Variants in ANK3 observed in about 807,000 individuals in gnomAD.
The protein encoded by ANK3 is ankyrin 3.
In ANK3, 57 loss-of-function variants were observed where a neutral mutation model predicts 370.9. The observed-to-expected ratio is 0.15, with a 90% CI of 0.12 to 0.19. The LOEUF is 0.19. Ranked by LOEUF, ANK3 falls within the 10% of genes least tolerant of loss-of-function variation. ANK3 has a pLI of 1.00. For missense variants in ANK3, 4,439 were observed against 5,302.1 expected, an observed-to-expected ratio of 0.84 and a Z score of 5.06; for synonymous variants, 1,929 against 1,946.3, an observed-to-expected ratio of 0.99 and a Z score of 0.23.
Position 60,157,365 on chromosome 10 carries a change from C to T in ANK3, c.2614+9226G>A, listed in dbSNP as rs377352999. On this transcript the variant is annotated intron_variant, in intron 23 of 43. Coordinates refer to ENST00000280772, the MANE Select transcript of ANK3 (RefSeq NM_020987.5). Reference sequence around the variant, plus strand: ...TTTTTTTTTTTTTTAAAGGGGTTCTCACTCTGTTGCCCAGGCTGGAGTGTA... The same window carrying T: ...TTTTTTTTTTTTTTAAAGGGGTTCTTACTCTGTTGCCCAGGCTGGAGTGTA... Among the ~76,000 whole-genome samples, 10 of 138,344 alleles carry T rather than the reference C, an allele frequency of 7.2e-5. No individual in the cohort carries two copies. The East Asian group carries it at 2.2e-3, about 30-fold the overall frequency. 90.8% of individuals were successfully genotyped at this position (138,344 alleles called of 152,430 possible).
chr10:60,298,967 A>G (rs533500131), intron 1 of ANK3, among the ~76,000 whole-genome samples: 28 of 152,352 alleles, frequency 1.8e-4, no homozygotes, highest in African/African-American at 6.5e-4. Flanking sequence ...ATTTAACAGT[A>G]CAGTTTGAAA....
At chr10:60,164,475 G>A (rs1159746837) in intron 23 of ANK3, among the ~76,000 whole-genome samples, 1 of 149,524 alleles carries the variant, frequency 6.7e-6, no homozygotes, top group Non-Finnish European at 1.5e-5. Flanking sequence ...ATAGAAGGAG[G>A]TAGCAATGAT....
intron 7 of ANK3, among the ~76,000 whole-genome samples, chr10:60,245,971 C>A (rs191428879): frequency 6.6e-6 from 1 of 152,188 alleles, no homozygotes; most frequent in Non-Finnish European, 1.5e-5. Flanking sequence ...AAGATAACCA[C>A]TAGGCCGGGC....
At chr10:60,475,245 A>G (rs1237722330) in intron 2 of ANK3, among the ~76,000 whole-genome samples, 1 of 145,316 alleles carries the variant, frequency 6.9e-6, no homozygotes, top group East Asian at 1.9e-4. Flanking sequence ...ACCGATAGCC[A>G]TCTATGACCA....
intron 17 of ANK3, among the ~76,000 whole-genome samples, chr10:60,184,385 TGAAAAC>T (rs932254854): frequency 6.6e-6 from 1 of 152,216 alleles, no homozygotes; most frequent in Non-Finnish European, 1.5e-5. Context: ...TGCTTTATAC[TGAAAAC>T]GACAACGGAG....
intron 38 of ANK3, among the ~76,000 whole-genome samples, chr10:60,064,984 T>C (rs887372949): frequency 2.6e-5 from 4 of 152,230 alleles, no homozygotes; most frequent in African/African-American, 9.6e-5. Context: ...TTCATGTATA[T>C]GGCACAAGAG....
At chr10:60,212,825 A>T (rs530969322) in intron 9 of ANK3, among the ~76,000 whole-genome samples, 11 of 152,276 alleles carry the variant, frequency 7.2e-5, no homozygotes, top group African/African-American at 2.6e-4. Context: ...CTCAAAATTT[A>T]TTTGCAAATA....
At chr10:60,141,575 T>TTG (rs2094567269) in intron 23 of ANK3, among the ~76,000 whole-genome samples, 1 of 145,812 alleles carries the variant, frequency 6.9e-6, no homozygotes, top group African/African-American at 2.7e-5. Flanking sequence ...TTTTTTTTTT[T>TTG]TTTTTTTTTT....
intron 2 of ANK3, among the ~76,000 whole-genome samples, chr10:60,429,398 A>G (rs1328890563): frequency 6.6e-6 from 1 of 152,214 alleles, no homozygotes; most frequent in Non-Finnish European, 1.5e-5. Context: ...GGGGGAAAAG[A>G]GGGTACACAT....
intron 42 of ANK3, among the ~76,000 whole-genome samples, chr10:60,050,910 G>A (rs1170285298): frequency 6.7e-6 from 1 of 150,016 alleles, no homozygotes; most frequent in Non-Finnish European, 1.5e-5. Context: ...ACCTATTTCA[G>A]ATTTTTTTTT....
chr10:60,351,096 T>A (rs893496937), intron 1 of ANK3, among the ~76,000 whole-genome samples: 5 of 152,206 alleles, frequency 3.3e-5, no homozygotes, highest in African/African-American at 4.8e-5. Context: ...TTCTTTCTGT[T>A]CAGTGAAAAT....
chr10:60,531,379 A>G (rs1488920503), intron 2 of ANK3, among the ~76,000 whole-genome samples: 2 of 152,136 alleles, frequency 1.3e-5, no homozygotes, highest in African/African-American at 4.8e-5. Flanking sequence ...ATATATTTAT[A>G]TACATGTGCC....
At chr10:60,613,413 G>T (rs184311086) in intron 2 of ANK3, among the ~76,000 whole-genome samples, 1 of 152,048 alleles carries the variant, frequency 6.6e-6, no homozygotes, top group African/African-American at 2.4e-5. Flanking sequence ...GTTAGTTAAC[G>T]TATGGCTCCA....
At chr10:60,565,148 C>T (rs1470072927) in intron 2 of ANK3, among the ~76,000 whole-genome samples, 1 of 151,880 alleles carries the variant, frequency 6.6e-6, no homozygotes, top group Non-Finnish European at 1.5e-5. Context: ...GGGATGTTTT[C>T]CTGTGAAGTA....
intron 1 of ANK3, among the ~76,000 whole-genome samples, chr10:60,372,862 C>A (rs1216086668): frequency 1.3e-5 from 2 of 152,076 alleles, no homozygotes; most frequent in Non-Finnish European, 2.9e-5. Context: ...TAAATGAAAT[C>A]ATCCATTTAC....
chr10:60,688,315 C>T (rs935107618), intron 1 of ANK3, among the ~76,000 whole-genome samples: 3 of 152,170 alleles, frequency 2.0e-5, no homozygotes, highest in African/African-American at 7.2e-5. Context: ...ATCCACCCGC[C>T]TCAGCCTCCC....
At chr10:60,355,360 A>T (rs1358654458) in intron 1 of ANK3, among the ~76,000 whole-genome samples, 2 of 150,096 alleles carry the variant, frequency 1.3e-5, no homozygotes, top group African/African-American at 4.9e-5. Context: ...ATCAGTGATC[A>T]TTTTTTTTTT....
chr10:60,335,063 C>T (rs1265721563), intron 1 of ANK3, among the ~76,000 whole-genome samples: 1 of 151,958 alleles, frequency 6.6e-6, no homozygotes, highest in Non-Finnish European at 1.5e-5. Context: ...CAACTTACAC[C>T]ATGTTGAGAA....
chr10:60,657,942 T>A (rs2078887136), intron 1 of ANK3, among the ~76,000 whole-genome samples: 1 of 152,114 alleles, frequency 6.6e-6, no homozygotes, highest in African/African-American at 2.4e-5. Flanking sequence ...CTTCTTATTT[T>A]GACTGTTTCA....
Sources: allele counts gnomAD v4.1 joint callset (sites outside exome capture counted in the v4.1 genomes callset), GRCh38; gene constraint gnomAD v4.1.1; transcripts MANE v1.5; gene names NCBI Gene and HGNC (gene_info 2026-07-23, HGNC 2026-07-21).